The following DPP10 variants were observed in gnomAD, a reference collection of about 807,000 sequenced individuals.
DPP10 encodes the protein dipeptidyl peptidase like 10.
In DPP10, 33 loss-of-function variants were observed where a neutral mutation model predicts 120.9. The ratio of observed to expected loss-of-function variants is 0.27; its 90% confidence interval spans 0.21 to 0.37. DPP10 has a LOEUF of 0.37. DPP10 is among the 10% of genes least tolerant of loss of function. The pLI is 1.00. For synonymous variants in DPP10, 337 were observed against 326.1 expected, an observed-to-expected ratio of 1.03 and a Z score of -0.36; for missense variants, 816 against 942.8, an observed-to-expected ratio of 0.87 and a Z score of 1.76.
intron 4 of DPP10, among the ~76,000 whole-genome samples, chr2:115,518,627 C>T (rs977101686): frequency 2.0e-5 from 3 of 151,866 alleles, no homozygotes; most frequent in African/African-American, 7.3e-5. Context: ...AATTGAAATA[C>T]TTAAAATATG....
intron 2 of DPP10, among the ~76,000 whole-genome samples, chr2:115,316,433 C>A (rs1366257839): frequency 1.3e-5 from 2 of 152,134 alleles, no homozygotes; most frequent in East Asian, 3.9e-4. Flanking sequence ...AATTAGTAAA[C>A]TAATTCTATG....
intron 1 of DPP10, among the ~76,000 whole-genome samples, chr2:114,544,835 ATTATGT>A (rs1471421239): frequency 6.6e-6 from 1 of 151,946 alleles, no homozygotes; most frequent in Non-Finnish European, 1.5e-5. Flanking sequence ...AATGTAGTTC[ATTATGT>A]TTATGTCAAT....
At chr2:115,129,389 A>G (rs1249197997) in intron 1 of DPP10, among the ~76,000 whole-genome samples, 1 of 152,190 alleles carries the variant, frequency 6.6e-6, no homozygotes, top group African/African-American at 2.4e-5. Context: ...ACCATCTCTA[A>G]CAGATTTTGG....
chr2:115,549,427 A>G (rs1042389906), intron 5 of DPP10, among the ~76,000 whole-genome samples: 9 of 151,902 alleles, frequency 5.9e-5, no homozygotes, highest in South Asian at 4.1e-4. Flanking sequence ...AACTTTTTCT[A>G]TCCTTCAATG....
At chr2:115,022,101 A>G (rs926329823) in intron 1 of DPP10, among the ~76,000 whole-genome samples, 1 of 152,074 alleles carries the variant, frequency 6.6e-6, no homozygotes, top group African/African-American at 2.4e-5. Flanking sequence ...TAAGAACTGA[A>G]ACATAATAAG....
At chr2:115,344,442 A>G (rs1362227246) in intron 3 of DPP10, among the ~76,000 whole-genome samples, 1 of 152,088 alleles carries the variant, frequency 6.6e-6, no homozygotes, top group African/African-American at 2.4e-5. Flanking sequence ...TAAGTGCTTC[A>G]GATTTGACAA....
chr2:114,960,539 G>C (rs562164711), intron 1 of DPP10, among the ~76,000 whole-genome samples: 1 of 152,024 alleles, frequency 6.6e-6, no homozygotes, highest in South Asian at 2.1e-4. Context: ...TTCATTTCCG[G>C]TGCCTGGAAC....
chr2:114,567,755 G>A (rs1483740138), intron 1 of DPP10, among the ~76,000 whole-genome samples: 2 of 152,064 alleles, frequency 1.3e-5, no homozygotes, highest in Admixed American at 1.3e-4. Context: ...GCAAACTAAG[G>A]TGGTAACAGA....
intron 1 of DPP10, among the ~76,000 whole-genome samples, chr2:115,010,827 T>C (rs1057319068): frequency 5.9e-5 from 9 of 152,178 alleles, no homozygotes; most frequent in African/African-American, 2.2e-4. Flanking sequence ...CCTTCTACTG[T>C]TGCCAGCAGT....
At chr2:114,915,427 G>GTTAGATAT (rs1377998701) in intron 1 of DPP10, among the ~76,000 whole-genome samples, 2 of 152,188 alleles carry the variant, frequency 1.3e-5, no homozygotes, top group African/African-American at 2.4e-5. Context: ...CACTGACAGT[G>GTTAGATAT]TTAGATATCA....
chr2:114,856,460 C>G (rs557622729), intron 1 of DPP10, among the ~76,000 whole-genome samples: 1 of 152,076 alleles, frequency 6.6e-6, no homozygotes, highest in Admixed American at 6.6e-5. Context: ...CTGTGACAAG[C>G]ATGAGAATTT....
chr2:115,585,374 T>C (rs1192771179), intron 5 of DPP10, among the ~76,000 whole-genome samples: 1 of 152,180 alleles, frequency 6.6e-6, no homozygotes, highest in Non-Finnish European at 1.5e-5. Flanking sequence ...ATAAAACCCA[T>C]GCAGTACTAA....
intron 1 of DPP10, among the ~76,000 whole-genome samples, chr2:115,039,532 C>A (rs974701190): frequency 7.9e-5 from 12 of 152,030 alleles, no homozygotes; most frequent in African/African-American, 2.9e-4. Context: ...GAGGTCAAGA[C>A]CTTCCCAGTG....
intron 1 of DPP10, among the ~76,000 whole-genome samples, chr2:115,126,997 T>C (rs2050115539): frequency 1.3e-5 from 2 of 152,304 alleles, no homozygotes; most frequent in African/African-American, 4.8e-5. Flanking sequence ...AATAAAAGAT[T>C]CATAATATGC....
intron 1 of DPP10, among the ~76,000 whole-genome samples, chr2:114,987,073 C>T (rs146152346): frequency 2.5e-3 from 377 of 152,236 alleles, no homozygotes; most frequent in Non-Finnish European, 3.8e-3. Flanking sequence ...AACCACTGCA[C>T]CCGGCCTAGG....
At chr2:115,524,088 G>A (rs576166111) in intron 4 of DPP10, among the ~76,000 whole-genome samples, 1 of 152,120 alleles carries the variant, frequency 6.6e-6, no homozygotes, top group African/African-American at 2.4e-5. Context: ...AATAACCTAT[G>A]TCATTCCAAA....
intron 1 of DPP10, among the ~76,000 whole-genome samples, chr2:115,125,213 T>C (rs1265969022): frequency 2.0e-5 from 3 of 152,132 alleles, no homozygotes; most frequent in East Asian, 1.9e-4. Context: ...AATACAAGGA[T>C]AAAAAAGGCT....
At chr2:114,682,218 CA>C (rs1366073754) in intron 1 of DPP10, among the ~76,000 whole-genome samples, 1 of 151,912 alleles carries the variant, frequency 6.6e-6, no homozygotes, top group Non-Finnish European at 1.5e-5. Context: ...AAGACTCCTT[CA>C]GAACTGTTTT....
intron 1 of DPP10, chr2:115,064,833 A>G (rs1398634648): frequency 3.8e-6 from 5 of 1,303,682 alleles, no homozygotes; most frequent in Non-Finnish European, 4.0e-6. Context: ...AGGTTTGTTT[A>G]GTCTTCTTTC....
Sources: allele counts gnomAD v4.1 joint callset (sites outside exome capture counted in the v4.1 genomes callset), GRCh38; gene constraint gnomAD v4.1.1; transcripts MANE v1.5; gene names NCBI Gene and HGNC (gene_info 2026-07-23, HGNC 2026-07-21).